The following CBLB variants were observed in gnomAD, a reference collection of about 807,000 sequenced individuals.
CBLB encodes E3 ubiquitin-protein ligase CBL-B.
In CBLB, 31 loss-of-function variants were observed where a neutral mutation model predicts 104.9. That is an observed-to-expected ratio of 0.30 (90% CI 0.22 to 0.40). CBLB has a LOEUF of 0.40. CBLB is among the 10% of genes least tolerant of loss of function. The pLI is 1.00. For missense variants in CBLB, 1,062 were observed against 1,214.6 expected (o/e 0.87, Z 1.87); for synonymous variants, 440 against 422.6 (o/e 1.04, Z -0.51).
intron 4 of CBLB, among the ~76,000 whole-genome samples, 177 bp downstream of exon 4, chr3:105,776,219 T>C (rs1226105301): frequency 6.6e-6 from 1 of 151,322 alleles, no homozygotes; most frequent in Non-Finnish European, 1.5e-5. Flanking sequence ...AACTATTGCA[T>C]TATTGAGGCA....
At chr3:105,678,396 T>C in intron 17 of CBLB, 35 bp downstream of exon 17, 1 of 1,606,048 alleles carries the variant, frequency 6.2e-7, no homozygotes, top group Non-Finnish European at 8.5e-7. Context: ...ATTTTTGCTT[T>C]AAGTGAATAG....
intron 17 of CBLB, chr3:105,671,031 G>A (rs1047959084): frequency 2.8e-5 from 5 of 179,050 alleles, no homozygotes; most frequent in Non-Finnish European, 1.2e-5. Flanking sequence ...CACCTTGGCA[G>A]TCAGAGACGG....
intron 7 of CBLB, among the ~76,000 whole-genome samples, chr3:105,738,179 T>C (rs553843983): frequency 1.2e-4 from 18 of 152,270 alleles, no homozygotes; most frequent in African/African-American, 2.4e-4. Flanking sequence ...TATAGTACTG[T>C]AGTATGTATA....
At chr3:105,817,439 G>C (rs2085219620) in intron 3 of CBLB, among the ~76,000 whole-genome samples, 2 of 152,126 alleles carry the variant, frequency 1.3e-5, no homozygotes, top group African/African-American at 4.8e-5. Flanking sequence ...TGAAGCTTGA[G>C]GACACTAAAA....
chr3:105,702,481 A>G (rs1176384438), intron 11 of CBLB, 22 bp from the exon 12 acceptor site: 1 of 1,452,130 alleles, frequency 6.9e-7, no homozygotes, highest in Non-Finnish European at 9.1e-7. Context: ...GAAGAGAAAA[A>G]AAAAAAAAAA....
At chr3:105,807,893 A>G (rs1167554981) in intron 3 of CBLB, among the ~76,000 whole-genome samples, 2 of 152,232 alleles carry the variant, frequency 1.3e-5, no homozygotes, top group Non-Finnish European at 2.9e-5. Context: ...AACTAGTTGG[A>G]AATAGAATCA....
chr3:105,812,573 G>A (rs1301982303), intron 3 of CBLB, among the ~76,000 whole-genome samples: 1 of 152,148 alleles, frequency 6.6e-6, no homozygotes, highest in African/African-American at 2.4e-5. Context: ...AATGAGCAAG[G>A]GCAAAAGTTT....
chr3:105,793,486 A>G (rs952413485), intron 3 of CBLB, among the ~76,000 whole-genome samples: 1 of 428 alleles, frequency 2.3e-3, no homozygotes, highest in Non-Finnish European at 0.025. Flanking sequence ...ATGTTTAACA[A>G]AAAAAAAAAA....
intron 3 of CBLB, among the ~76,000 whole-genome samples, chr3:105,789,287 T>C (rs1161133298): frequency 2.0e-5 from 3 of 152,190 alleles, no homozygotes; most frequent in East Asian, 1.9e-4. Context: ...AGAATAGAAA[T>C]GAGTGATGAA....
chr3:105,794,943 G>A (rs2082089749), intron 3 of CBLB, among the ~76,000 whole-genome samples: 1 of 148,848 alleles, frequency 6.7e-6, no homozygotes, highest in Admixed American at 6.7e-5. Flanking sequence ...TTGAGATGGA[G>A]TCTCACTCTG....
At chr3:105,752,708 C>T (rs568173183) in intron 4 of CBLB, among the ~76,000 whole-genome samples, 55 of 152,312 alleles carry the variant, frequency 3.6e-4, no homozygotes, top group Admixed American at 1.3e-3. Context: ...AAAGGTACAA[C>T]TTTCATATTC....
At chr3:105,793,165 T>C (rs1310000110) in intron 3 of CBLB, among the ~76,000 whole-genome samples, 2 of 152,104 alleles carry the variant, frequency 1.3e-5, no homozygotes, top group African/African-American at 4.8e-5. Flanking sequence ...TGTGGTGGGA[T>C]GTTGAATGCA....
intron 3 of CBLB, among the ~76,000 whole-genome samples, chr3:105,807,728 T>C (rs2083702477): frequency 6.6e-6 from 1 of 152,212 alleles, no homozygotes; most frequent in South Asian, 2.1e-4. Context: ...TTCTCAAGAC[T>C]ATACTGTGAG....
chr3:105,739,375 A>AATTC (rs1370024913), intron 7 of CBLB, among the ~76,000 whole-genome samples: 1 of 152,182 alleles, frequency 6.6e-6, no homozygotes, highest in Non-Finnish European at 1.5e-5. Flanking sequence ...TTTCTACCAG[A>AATTC]ATTCATACTG....
At chr3:105,812,805 C>A (rs2084488656) in intron 3 of CBLB, among the ~76,000 whole-genome samples, 1 of 152,172 alleles carries the variant, frequency 6.6e-6, no homozygotes, top group Non-Finnish European at 1.5e-5. Flanking sequence ...TCTAAAATAA[C>A]TACTAACCTT....
At chr3:105,756,961 T>C (rs1165387180) in intron 4 of CBLB, among the ~76,000 whole-genome samples, 1 of 152,158 alleles carries the variant, frequency 6.6e-6, no homozygotes, top group Non-Finnish European at 1.5e-5. Context: ...TTACAAGATC[T>C]GGTTGTTTAA....
chr3:105,853,617 T>A lies in CBLB; in HGVS notation c.216A>T (p.Pro72=), dbSNP rs932560106. The A allele has an allele frequency of 6.2e-7, 1 of 1,609,650 alleles. No individual in the cohort carries two copies. The highest frequency in any genetic ancestry group is 1.1e-5 in the South Asian group (1 of 90,970). The change falls in exon 3 of 19, where the codon CCA becomes CCT. Residue 72 remains proline (P), a synonymous_variant. Coordinates refer to ENST00000394030, the MANE Select transcript of CBLB (RefSeq NM_170662.5). Reference sequence around the variant, plus strand: ...TATCAGGCAAAATATCAAGTATATATGGTGGGCTATTTTTCAACTGAAGTT... The same window carrying A: ...TATCAGGCAAAATATCAAGTATATAAGGTGGGCTATTTTTCAACTGAAGTT... ...NPKLQLKNSP[P]YILDILPDTY... is the part of the protein sequence containing the mutation.
Position 105,849,153 on chromosome 3 carries a change from T to C in CBLB, c.419+4261A>G, listed in dbSNP as rs569969740. The stretch of plus-strand genomic sequence containing the variant: ...TTGCATTTGGAATCCTAAGGGAACC[T>C]AGAAGTGAATGTGTCCAAATATATT... On this transcript the variant is annotated intron_variant, in intron 3 of 18. Transcript: ENST00000394030. 3.0e-4 allele frequency among the ~76,000 whole-genome samples: 45 copies of C among 152,278 alleles called. No individual in the cohort carries two copies. In the East Asian group the frequency reaches 8.3e-3, roughly 28 times the overall value.
At chr3:105,812,650 G>A (rs543624364) in intron 3 of CBLB, among the ~76,000 whole-genome samples, 3 of 152,282 alleles carry the variant, frequency 2.0e-5, no homozygotes, top group African/African-American at 7.2e-5. Context: ...ATGCAGCAAA[G>A]AAACAAGGGA....
Sources: gnomAD v4.1 joint callset for allele counts (sites outside exome capture counted in the v4.1 genomes callset) on GRCh38, gnomAD v4.1.1 for gene constraint, MANE v1.5 for transcripts, NCBI Gene and HGNC (gene_info 2026-07-23, HGNC 2026-07-21) for gene names.